FAM8A1: variants seen among roughly 807,000 people sequenced by gnomAD.
FAM8A1 encodes protein FAM8A1.
In FAM8A1, 18 loss-of-function variants were observed where a neutral mutation model predicts 38.3. That is an observed-to-expected ratio of 0.47 (90% CI 0.33 to 0.70). The LOEUF (loss-of-function observed/expected upper bound fraction) is 0.70. Among genes scored for constraint, FAM8A1 ranks in the 30% least tolerant of loss-of-function variants. The pLI is 0.03. For missense variants in FAM8A1, 559 were observed against 559.6 expected, an observed-to-expected ratio of 1.00 and a Z score of 0.01; for synonymous variants, 246 against 234.4, an observed-to-expected ratio of 1.05 and a Z score of -0.45.
rs1763976097 is a variant in FAM8A1, at chr6:17,600,944, A to C, written c.535A>C (p.Ser179Arg). The change falls in exon 1 of 5, where the codon AGC becomes CGC. Residue 179 changes from serine to arginine, a missense_variant. By Grantham distance (110) the Ser-to-Arg change is moderately radical (BLOSUM62 -1). Around this residue, in one of 2 missense-constraint regions of FAM8A1, gnomAD observed 393 missense variants for 338.9 expected, o/e 1.16. Transcript: ENST00000259963. The stretch of plus-strand genomic sequence containing the variant: ...CTATTACAACCCCTTCTACTTCCTG[A>C]GCCCCGGGGCCGCGGGGCCTGACCC... Reference protein sequence around the residue: ...LGYYNPFYFLSPGAAGPDPRT... With the variant: ...LGYYNPFYFLRPGAAGPDPRT... 1 of 1,592,212 alleles carries C rather than the reference A, an allele frequency of 6.3e-7. No individual in the cohort carries two copies. Among genetic ancestry groups the C allele is most frequent in the Admixed American group, 1.8e-5 (1 of 57,078 alleles).
chr6:17,608,073 G>C, intron 4 of FAM8A1, 122 bp from the exon 5 acceptor site: 1 of 1,053,420 alleles, frequency 9.5e-7, no homozygotes, highest in South Asian at 1.6e-5. Flanking sequence ...CTTTTTCCCT[G>C]TAGACTTCTG....
chr6:17,606,361 C>T (rs1020059706), intron 4 of FAM8A1, among the ~76,000 whole-genome samples: 4 of 151,992 alleles, frequency 2.6e-5, no homozygotes, highest in Admixed American at 6.6e-5. Flanking sequence ...CCACCACGCC[C>T]GGCTAATTTT....
Position 17,609,836 on chromosome 6 carries a change from T to C in FAM8A1, c.*1497T>C, listed in dbSNP as rs1164732587. 6.6e-6 allele frequency: 1 copy of C among 152,196 alleles called. No individual in the cohort carries two copies. Among genetic ancestry groups the C allele is most frequent in the Non-Finnish European group, 1.5e-5 (1 of 68,016 alleles). 9.4% of individuals were successfully genotyped at this position (152,196 alleles called of 1,614,324 possible). A position where few individuals can be genotyped will look rare whatever the true frequency, so the allele number is the denominator to read the frequency against. ...ACACAGCACATATCTATTATCACTA[T>C]ATTAATTTTCAAAGGTTTTTCTTTG... On this transcript the variant is annotated 3_prime_UTR_variant, in exon 5 of 5. Coordinates refer to ENST00000259963, the MANE Select transcript of FAM8A1 (RefSeq NM_016255.3).
In FAM8A1 at chr6:17,602,590, G is replaced by A. The variant is rs1411893168; in HGVS notation, c.713G>A (p.Gly238Asp). The change falls in exon 2 of 5, where the codon GGC (glycine) becomes GAC (aspartate). Residue 238 changes from glycine (G) to aspartate (D), a missense_variant and splice_region_variant. This residue lies in a region of FAM8A1 where 166 missense variants were observed against 220.8 expected (regional missense o/e 0.75). Transcript: ENST00000259963. ...RSPSETGRQA[G>D]REYVIPSLAH... is the part of the protein sequence containing the mutation. ...ACTTTTTTTTTTTTTTAATTTACAG[G>A]CAGAGAATATGTTATTCCATCCTTG... is the stretch of plus-strand genomic sequence containing the variant. 6.9e-6 allele frequency: 11 copies of A among 1,587,320 alleles called. No homozygotes were observed. Among genetic ancestry groups the A allele is most frequent in the African/African-American group, 6.9e-5 (5 of 72,642 alleles).
At position 17,601,056 on chromosome 6, in the gene FAM8A1, C is replaced by G. The variant is rs1272267993; in HGVS notation, c.647C>G (p.Thr216Ser). ...CACGTGCAGGCGTCGGTCCGGGCCA[C>G]TCCAGTGACGAGGGTAGGATCCGCA... is the stretch of plus-strand genomic sequence containing the variant. Reference protein sequence around the residue: ...APHVQASVRATPVTRVGSAAP... With the variant: ...APHVQASVRASPVTRVGSAAP... Residue 216 changes from threonine to serine, a missense_variant, in exon 1 of 5, where the codon ACT (threonine) becomes AGT (serine). This residue lies in a region of FAM8A1 where 393 missense variants were observed against 338.9 expected (regional missense o/e 1.16). Transcript: ENST00000259963. 5.0e-6 allele frequency: 8 copies of G among 1,597,508 alleles called. No individual in the cohort carries two copies. The East Asian group carries it at 1.8e-4, about 36-fold the overall frequency.
chr6:17,606,041 T>C (rs1343895975), intron 4 of FAM8A1, 28 bp downstream of exon 4: 3 of 1,474,634 alleles, frequency 2.0e-6, no homozygotes, highest in African/African-American at 2.8e-5. Flanking sequence ...CTTAATCTAC[T>C]ACATACTTAA....
At position 17,611,170 on chromosome 6, in the gene FAM8A1, T is replaced by C. The variant is rs1300098309; in HGVS notation, c.*2831T>C. The stretch of plus-strand genomic sequence containing the variant: ...ATATATAGGATAGAAAAAAATGCAT[T>C]ATATTTGAGAGCTACTTCGCCCAAA... On this transcript the variant is annotated 3_prime_UTR_variant, in exon 5 of 5. Coordinates refer to ENST00000259963, the MANE Select transcript of FAM8A1 (RefSeq NM_016255.3). 1 of 152,162 alleles carries C rather than the reference T, an allele frequency of 6.6e-6. No homozygotes were observed. Among genetic ancestry groups the C allele is most frequent in the African/African-American group, 2.4e-5 (1 of 41,442 alleles). The allele number at this position is 152,162 out of a possible 1,614,324, so 9.4% of individuals were successfully genotyped here. A position where few individuals can be genotyped will look rare whatever the true frequency, so the allele number is the denominator to read the frequency against.
At position 17,608,472 on chromosome 6, in the gene FAM8A1, G is replaced by A. The variant is rs1764089463; in HGVS notation, c.*133G>A. Reference sequence around the variant, plus strand: ...CCAGTGTGATGCAGGTGACTACTCTGAAAGTATTGATTATACTTGAATGCC... The same window carrying A: ...CCAGTGTGATGCAGGTGACTACTCTAAAAGTATTGATTATACTTGAATGCC... On this transcript the variant is annotated 3_prime_UTR_variant, in exon 5 of 5. Coordinates refer to ENST00000259963, the MANE Select transcript of FAM8A1 (RefSeq NM_016255.3). 7.5e-6 allele frequency: 7 copies of A among 938,702 alleles called. No individual in the cohort carries two copies. The South Asian group carries it at 7.8e-5, about 11-fold the overall frequency. The allele number at this position is 938,702 out of a possible 1,614,324, so 58.1% of individuals were successfully genotyped here. A position where few individuals can be genotyped will look rare whatever the true frequency, so the allele number is the denominator to read the frequency against.
rs1764114309 is a variant in FAM8A1, at chr6:17,609,888, T to G, written c.*1549T>G. On this transcript the variant is annotated 3_prime_UTR_variant, in exon 5 of 5. Transcript: ENST00000259963. ...CGTTTAAAACTGTGACAACAGATAT[T>G]CACATTTGATTATAGAAACTTAATG... 6.6e-6 allele frequency: 1 copy of G among 152,208 alleles called. No homozygotes were observed. The allele number at this position is 152,208 out of a possible 1,614,324, so 9.4% of individuals were successfully genotyped here.
At position 17,600,535 on chromosome 6, in the gene FAM8A1, C is replaced by A. The variant is rs1763965795; in HGVS notation, c.126C>A (p.Asp42Glu). The A allele has an allele frequency of 1.3e-6, 2 of 1,528,754 alleles. No homozygotes were observed. The highest frequency in any genetic ancestry group is 2.8e-5 in the East Asian group (1 of 35,814). The allele number at this position is 1,528,754 out of a possible 1,614,324, so 94.7% of individuals were successfully genotyped here. A position where few individuals can be genotyped will look rare whatever the true frequency, so the allele number is the denominator to read the frequency against. The change falls in exon 1 of 5, where the codon GAC becomes GAA. Residue 42 changes from aspartate (D) to glutamate (E), a missense_variant. Coordinates refer to ENST00000259963, the MANE Select transcript of FAM8A1 (RefSeq NM_016255.3). The part of the protein sequence containing the change: ...PTTAVPCPRD[D>E]PQAEPQAPGR... ...CCGCCGTCCCATGCCCCCGCGACGA[C>A]CCCCAGGCCGAACCCCAGGCCCCGG...
In FAM8A1 at chr6:17,601,099, G is replaced by C. The variant is rs528796637; in HGVS notation, c.690G>C (p.Pro230=). The C allele has an allele frequency of 8.1e-6, 13 of 1,596,060 alleles. No homozygotes were observed. In the African/African-American group the frequency reaches 1.2e-4, roughly 15 times the overall value. The part of the protein sequence containing the change: ...RVGSAAPSRS[P]SETGRQAGRE... Reference sequence around the variant, plus strand: ...GATCCGCAGCCCCTTCGCGAAGCCCGAGCGAGACCGGGCGACAGGCAGGTG... The same window carrying C: ...GATCCGCAGCCCCTTCGCGAAGCCCCAGCGAGACCGGGCGACAGGCAGGTG... The change falls in exon 1 of 5, where the codon CCG becomes CCC. Residue 230 remains proline (P), a synonymous_variant. Coordinates refer to ENST00000259963, the MANE Select transcript of FAM8A1 (RefSeq NM_016255.3).
intron 1 of FAM8A1, among the ~76,000 whole-genome samples, chr6:17,602,025 T>C (rs1326133124): frequency 6.6e-6 from 1 of 152,152 alleles, no homozygotes; most frequent in African/African-American, 2.4e-5. Flanking sequence ...AAATCAGTTT[T>C]CTAGGGGGAA....
chr6:17,604,227 T>C (rs767785341), intron 2 of FAM8A1, among the ~76,000 whole-genome samples: 6 of 152,094 alleles, frequency 3.9e-5, no homozygotes, highest in Non-Finnish European at 8.8e-5. Context: ...ATGGTTTCTC[T>C]TTACCAGCAG....
At position 17,611,194 on chromosome 6, in the gene FAM8A1, A is replaced by C. The variant is rs1156344559; in HGVS notation, c.*2855A>C. 1 of 152,210 alleles carries C rather than the reference A, an allele frequency of 6.6e-6. No individual in the cohort carries two copies. The highest frequency in any genetic ancestry group is 6.5e-5 in the Admixed American group (1 of 15,280). The allele number at this position is 152,210 out of a possible 1,614,324, so 9.4% of individuals were successfully genotyped here. On this transcript the variant is annotated 3_prime_UTR_variant, in exon 5 of 5. Coordinates refer to ENST00000259963, the MANE Select transcript of FAM8A1 (RefSeq NM_016255.3). ...TTATATTTGAGAGCTACTTCGCCCA[A>C]ATTACAAAATGAGTGTTTTTAGATT...
In FAM8A1 at chr6:17,600,611, G is replaced by A. The variant is rs537182670; in HGVS notation, c.202G>A (p.Glu68Lys). The A allele has an allele frequency of 2.0e-4, 303 of 1,500,954 alleles. No homozygotes were observed. The highest frequency in any genetic ancestry group is 2.5e-4 in the Non-Finnish European group (287 of 1,129,794). The allele number at this position is 1,500,954 out of a possible 1,614,324, so 93.0% of individuals were successfully genotyped here. The change falls in exon 1 of 5, where the codon GAG (glutamate) becomes AAG (lysine). Residue 68 changes from glutamate to lysine, a missense_variant. By Grantham distance (56) the Glu-to-Lys change is moderately conservative. Coordinates refer to ENST00000259963, the MANE Select transcript of FAM8A1 (RefSeq NM_016255.3). ...GGCTGCCGCCGCAGCCGACAAATTG[G>A]AGCCGCCGCGCGAGCTCAGGAAGCG... ...LAAAAAADKL[E>K]PPRELRKRGE...
intron 3 of FAM8A1, among the ~76,000 whole-genome samples, chr6:17,605,469 T>G (rs1764040464): frequency 2.4e-5 from 1 of 40,830 alleles, no homozygotes; most frequent in African/African-American, 8.5e-5. Flanking sequence ...TACTTTTCTG[T>G]TTTTTTTCCC....
At position 17,611,399 on chromosome 6, in the gene FAM8A1, C is replaced by T. The variant is rs944108634; in HGVS notation, c.*3060C>T. ...TTAAATGTTTTCGTTATATACTTAT[C>T]CCTATTAAAACAGGCAGTTGTTTCT... On this transcript the variant is annotated 3_prime_UTR_variant, in exon 5 of 5. Coordinates refer to ENST00000259963, the MANE Select transcript of FAM8A1 (RefSeq NM_016255.3). The T allele has an allele frequency of 6.6e-6, 1 of 152,548 alleles. No individual in the cohort carries two copies. The highest frequency in any genetic ancestry group is 1.5e-5 in the Non-Finnish European group (1 of 68,014). 9.4% of individuals were successfully genotyped at this position (152,548 alleles called of 1,614,324 possible).
intron 3 of FAM8A1, among the ~76,000 whole-genome samples, 195 bp downstream of exon 3, chr6:17,605,224 G>A (rs1260078628): frequency 6.6e-6 from 1 of 152,130 alleles, no homozygotes; most frequent in African/African-American, 2.4e-5. Flanking sequence ...GGGACTACAG[G>A]TGCATACCAC....
At chr6:17,602,498 ACTTT>A in intron 1 of FAM8A1, 88 bp from the exon 2 acceptor site, 3 of 1,277,614 alleles carry the variant, frequency 2.3e-6, no homozygotes, top group South Asian at 2.8e-5. Context: ...TTGTACCTTG[ACTTT>A]CTTTAGCAAT....
Sources: gnomAD v4.1 joint callset for allele counts (sites outside exome capture counted in the v4.1 genomes callset) on GRCh38, gnomAD v4.1.1 for gene constraint, gnomAD v4.1.1 regional missense constraint, MANE v1.5 for transcripts, NCBI Gene and HGNC (gene_info 2026-07-23, HGNC 2026-07-21) for gene names.